The following NCOR2 variants were observed in gnomAD, a reference collection of about 807,000 sequenced individuals.
The protein encoded by NCOR2 is CTG repeat protein 26.
Under a neutral mutation model 262.9 loss-of-function variants are expected in NCOR2, and 81 were observed. The observed-to-expected ratio is 0.31, with a 90% CI of 0.26 to 0.37. The LOEUF (loss-of-function observed/expected upper bound fraction) is 0.37. Ranked by LOEUF, NCOR2 falls within the 10% of genes least tolerant of loss-of-function variation. NCOR2 has a pLI of 1.00. For synonymous variants in NCOR2, 1,659 were observed against 1,559.3 expected (o/e 1.06, Z -1.51); for missense variants, 3,385 against 3,621.4 (o/e 0.93, Z 1.68).
intron 1 of NCOR2, among the ~76,000 whole-genome samples, chr12:124,510,399 G>A (rs945881293): frequency 2.6e-5 from 4 of 152,218 alleles, no homozygotes; most frequent in Non-Finnish European, 2.9e-5. Flanking sequence ...GGAACACCTC[G>A]CAGCCACTGG....
intron 7 of NCOR2, among the ~76,000 whole-genome samples, chr12:124,441,662 G>A (rs558055242): frequency 6.6e-6 from 1 of 152,348 alleles, no homozygotes; most frequent in South Asian, 2.1e-4. Flanking sequence ...CATGGCGGTG[G>A]CTCCACAAAT....
chr12:124,444,671 C>T (rs1180727244), intron 7 of NCOR2, among the ~76,000 whole-genome samples: 1 of 151,992 alleles, frequency 6.6e-6, no homozygotes, highest in East Asian at 1.9e-4. Flanking sequence ...AGCCTGACCC[C>T]GGCTGCAGGG....
intron 1 of NCOR2, among the ~76,000 whole-genome samples, chr12:124,560,124 A>G (rs1190058262): frequency 2.0e-5 from 3 of 152,234 alleles, no homozygotes; most frequent in African/African-American, 7.2e-5. Context: ...TCTGGGCCAC[A>G]GTTTCCTCAA....
At chr12:124,425,934 A>G (rs1295438318) in intron 11 of NCOR2, among the ~76,000 whole-genome samples, 1 of 152,188 alleles carries the variant, frequency 6.6e-6, no homozygotes, top group Non-Finnish European at 1.5e-5. Context: ...CATGAAGCTG[A>G]GAAGACACAG....
intron 30 of NCOR2, among the ~76,000 whole-genome samples, chr12:124,347,187 G>A (rs188391057): frequency 6.0e-4 from 92 of 152,206 alleles, no homozygotes; most frequent in Middle Eastern, 3.4e-3. Context: ...TGGGCAACAT[G>A]GTGAAACCCC....
At chr12:124,331,015 G>T in intron 43 of NCOR2, 117 bp from the exon 46 acceptor site, 1 of 1,040,528 alleles carries the variant, frequency 9.6e-7, no homozygotes, top group Non-Finnish European at 1.4e-6. Flanking sequence ...CTTGTGCATT[G>T]CAGGTTCTCA....
intron 18 of NCOR2, among the ~76,000 whole-genome samples, chr12:124,376,932 A>G (rs1229697603): frequency 6.6e-6 from 1 of 152,132 alleles, no homozygotes; most frequent in Non-Finnish European, 1.5e-5. Context: ...AGTCAGGGAC[A>G]CTCAGCAGAG....
chr12:124,431,465 TACAC>T (rs1326495105), intron 8 of NCOR2, among the ~76,000 whole-genome samples: 1 of 135,022 alleles, frequency 7.4e-6, no homozygotes, highest in African/African-American at 2.8e-5. Context: ...TATAGGCAGA[TACAC>T]AGAGAGACAC....
Position 124,344,940 on chromosome 12 carries a change from G to T in NCOR2, c.4371C>A (p.Leu1457=). Residue 1457 remains leucine (L), a synonymous_variant, in exon 32 of 47, where the codon CTC becomes CTA. Transcript: ENST00000405201. Reference sequence around the variant, plus strand: ...TGGTGGACGCGCCGGTGTCGTACTTGAGCGGGGTGCCCTGGGGCAGAGGGG... The same window carrying T: ...TGGTGGACGCGCCGGTGTCGTACTTTAGCGGGGTGCCCTGGGGCAGAGGGG... 1.9e-6 allele frequency: 3 copies of T among 1,548,472 alleles called. No individual in the cohort carries two copies. In the South Asian group the frequency reaches 3.6e-5, roughly 18 times the overall value.
At chr12:124,474,499 T>C (rs544045009) in intron 3 of NCOR2, among the ~76,000 whole-genome samples, 2 of 152,302 alleles carry the variant, frequency 1.3e-5, no homozygotes, top group African/African-American at 4.8e-5. Context: ...TAAAGTCTGG[T>C]GCACCCAGGC....
exon 2 of NCOR2, chr12:124,486,527 A>G: frequency 2.5e-6 from 4 of 1,599,844 alleles, no homozygotes; most frequent in Non-Finnish European, 3.4e-6. Context: ...GGTGGGAGGC[A>G]TAGTCGCGGG....
chr12:124,340,035 A>C, exon 37 of NCOR2: 1 of 1,612,416 alleles, frequency 6.2e-7, no homozygotes, highest in Non-Finnish European at 8.5e-7. Context: ...TGGGCTCCAC[A>C]GCGGTGATGA....
At chr12:124,364,043 T>A (rs2038819865) in intron 20 of NCOR2, among the ~76,000 whole-genome samples, 1 of 152,018 alleles carries the variant, frequency 6.6e-6, no homozygotes, top group South Asian at 2.1e-4. Context: ...CCTCACTCAC[T>A]CCCCTGGTTC....
At chr12:124,558,802 G>A (rs1476194353) in intron 1 of NCOR2, among the ~76,000 whole-genome samples, 3 of 152,116 alleles carry the variant, frequency 2.0e-5, no homozygotes, top group African/African-American at 4.8e-5. Context: ...GCACCCCAAC[G>A]GGCCCCTGAA....
intron 16 of NCOR2, 103 bp downstream of exon 18, chr12:124,398,016 C>T: frequency 7.3e-7 from 1 of 1,365,612 alleles, no homozygotes; most frequent in South Asian, 1.2e-5. Flanking sequence ...CTCACCACAG[C>T]CCCTGGCTCA....
intron 17 of NCOR2, among the ~76,000 whole-genome samples, chr12:124,380,856 C>T (rs2040362807): frequency 6.6e-6 from 1 of 152,100 alleles, no homozygotes; most frequent in Non-Finnish European, 1.5e-5. Context: ...AAAGCTGGGT[C>T]TCAGAGAGAG....
chr12:124,463,404 C>A (rs571070525), intron 5 of NCOR2, among the ~76,000 whole-genome samples: 1 of 152,254 alleles, frequency 6.6e-6, no homozygotes, highest in Non-Finnish European at 1.5e-5. Flanking sequence ...CAGGCCACCC[C>A]GTCTGCTCCT....
chr12:124,497,395 C>T (rs908806999), upstream of NCOR2, among the ~76,000 whole-genome samples: 2 of 152,232 alleles, frequency 1.3e-5, no homozygotes, highest in African/African-American at 4.8e-5. This position sits in a 1 kb window ranked among gnomAD's most constrained non-coding sequence, Gnocchi z 4.2. Context: ...GTCACTTGCC[C>T]TCTCTGAACC....
chr12:124,336,979 G>A, exon 38 of NCOR2: 1 of 1,515,366 alleles, frequency 6.6e-7, no homozygotes, highest in Non-Finnish European at 8.8e-7. Flanking sequence ...CCAGCCCGGA[G>A]CGGGCTGGGG....
Sources: allele counts gnomAD v4.1 joint callset (sites outside exome capture counted in the v4.1 genomes callset), GRCh38; gene constraint gnomAD v4.1.1; non-coding constraint Gnocchi (gnomAD v3.1); transcripts MANE v1.5; gene names NCBI Gene and HGNC (gene_info 2026-07-23, HGNC 2026-07-21).